The following MCUB variants were observed in gnomAD, a reference collection of about 807,000 sequenced individuals.
MCUB encodes mitochondrial calcium uniporter dominant negative subunit beta.
A neutral mutation model predicts 41.4 loss-of-function variants in MCUB; 46 were observed. That is an observed-to-expected ratio of 1.11 (90% CI 0.88 to 1.42). MCUB has a LOEUF of 1.42. Ranked by LOEUF, MCUB falls within the 40% of genes most tolerant of loss-of-function variation. MCUB has a pLI of 0.00. For missense variants in MCUB, 403 were observed against 404.9 expected (o/e 1.00, Z 0.04); for synonymous variants, 148 against 148.2 (o/e 1.00, Z 0.01).
chr4:109,637,823 A>G (rs961128408), intron 1 of MCUB, among the ~76,000 whole-genome samples: 1 of 152,218 alleles, frequency 6.6e-6, no homozygotes, highest in African/African-American at 2.4e-5. Flanking sequence ...ATGCACCAAA[A>G]TTTCAGAAAT....
chr4:109,684,211 T>C (rs199901198), intron 5 of MCUB, among the ~76,000 whole-genome samples: 2 of 151,932 alleles, frequency 1.3e-5, no homozygotes, highest in South Asian at 2.1e-4. Flanking sequence ...TACAGGCGCC[T>C]GCCACCATGC....
chr4:109,655,141 T>C (rs1027827343), intron 1 of MCUB, among the ~76,000 whole-genome samples: 4 of 152,216 alleles, frequency 2.6e-5, no homozygotes, highest in Admixed American at 6.5e-5. Context: ...TGGTTTATTA[T>C]AAGGATATTC....
intron 1 of MCUB, among the ~76,000 whole-genome samples, chr4:109,595,790 CAT>C: frequency 6.6e-6 from 1 of 152,270 alleles, no homozygotes; most frequent in African/African-American, 2.4e-5. Flanking sequence ...ATTGTAGGGT[CAT>C]CTTGACCAAT....
rs898466112 is a variant in MCUB, at chr4:109,687,864, A to G, written c.*272A>G. On this transcript the variant is annotated 3_prime_UTR_variant, in exon 8 of 8. Transcript: ENST00000394650. ...TCAGCTTGTCCCACGTTTATTCTCTATGTGGAGGTGAAAGGGTCTGTGCTT... is the reference window on the plus strand; with the variant it reads ...TCAGCTTGTCCCACGTTTATTCTCTGTGTGGAGGTGAAAGGGTCTGTGCTT... The G allele has an allele frequency of 5.1e-6, 2 of 390,264 alleles. No individual in the cohort carries two copies. The highest frequency in any genetic ancestry group is 6.5e-5 in the South Asian group (2 of 30,624). 24.2% of individuals were successfully genotyped at this position (390,264 alleles called of 1,614,324 possible). A position where few individuals can be genotyped will look rare whatever the true frequency, so the allele number is the denominator to read the frequency against.
intron 1 of MCUB, among the ~76,000 whole-genome samples, chr4:109,656,841 C>T (rs955731051): frequency 2.0e-4 from 31 of 152,090 alleles, no homozygotes; most frequent in African/African-American, 7.2e-4. Context: ...GAACTTCTAC[C>T]TATATTTATT....
Position 109,618,996 on chromosome 4 carries a change from C to CT in MCUB, c.100-40015_100-40014insT, listed in dbSNP as rs1728189795. 3.5e-5 allele frequency among the ~76,000 whole-genome samples: 5 copies of CT among 143,912 alleles called. No homozygotes were observed. The East Asian group carries it at 6.3e-4, about 18-fold the overall frequency. The allele number at this position is 143,912 out of a possible 152,430, so 94.4% of individuals were successfully genotyped here. ...TCTCTCTCTCTCTCTCTCTACCTACCAACCTACCTACCTACCTACCTATCT... is the reference window on the plus strand; with the variant it reads ...TCTCTCTCTCTCTCTCTCTACCTACCTAACCTACCTACCTACCTACCTATCT... On this transcript the variant is annotated intron_variant, in intron 1 of 7. Transcript: ENST00000394650.
intron 1 of MCUB, among the ~76,000 whole-genome samples, chr4:109,597,737 C>A (rs1284262137): frequency 2.2e-5 from 3 of 134,156 alleles, no homozygotes; most frequent in African/African-American, 1.0e-4. Context: ...GGGGGGCTGA[C>A]CCCCCCACCT....
At chr4:109,623,599 T>C (rs1186505581) in intron 1 of MCUB, among the ~76,000 whole-genome samples, 1 of 152,204 alleles carries the variant, frequency 6.6e-6, no homozygotes, top group East Asian at 1.9e-4. Flanking sequence ...TGTCAAGAAC[T>C]TAAGGCATTC....
intron 1 of MCUB, among the ~76,000 whole-genome samples, chr4:109,564,269 T>C (rs1417833756): frequency 6.6e-6 from 1 of 152,114 alleles, no homozygotes; most frequent in Non-Finnish European, 1.5e-5. Flanking sequence ...GTAGCTGGGA[T>C]TACAGGCATG....
At chr4:109,665,879 AT>A (rs1247268138) in intron 4 of MCUB, among the ~76,000 whole-genome samples, 1 of 151,924 alleles carries the variant, frequency 6.6e-6, no homozygotes, top group African/African-American at 2.4e-5. Context: ...AAAATAGGAT[AT>A]TTAAGAAAGG....
intron 1 of MCUB, among the ~76,000 whole-genome samples, chr4:109,622,402 A>G (rs571926396): frequency 2.0e-5 from 3 of 152,352 alleles, no homozygotes; most frequent in Non-Finnish European, 4.4e-5. Context: ...TGTTTCTGAA[A>G]TGTGGGATAA....
chr4:109,607,142 A>T (rs200869528), intron 1 of MCUB, among the ~76,000 whole-genome samples: 2,811 of 152,214 alleles, frequency 0.018, 68 homozygotes, highest in South Asian at 0.074. Flanking sequence ...ATATTCTTTG[A>T]TTTTTGTGTA....
At chr4:109,653,567 T>A (rs1047063134) in intron 1 of MCUB, among the ~76,000 whole-genome samples, 16 of 152,130 alleles carry the variant, frequency 1.1e-4, no homozygotes, top group African/African-American at 3.9e-4. Context: ...CAGACTAGAA[T>A]TTAGGCTATT....
intron 1 of MCUB, among the ~76,000 whole-genome samples, chr4:109,651,411 C>T (rs904484429): frequency 6.6e-6 from 1 of 152,136 alleles, no homozygotes; most frequent in Non-Finnish European, 1.5e-5. Context: ...TCCAAGGAGG[C>T]TTGCTTCCTC....
chr4:109,597,454 G>T (rs1579057056), intron 1 of MCUB, among the ~76,000 whole-genome samples: 1 of 107,852 alleles, frequency 9.3e-6, no homozygotes, highest in Admixed American at 8.6e-5. Flanking sequence ...CTGGCCGGGC[G>T]GGGGGCTGAC....
chr4:109,672,863 T>C (rs542089051), intron 4 of MCUB, among the ~76,000 whole-genome samples: 10 of 152,248 alleles, frequency 6.6e-5, no homozygotes, highest in Admixed American at 1.3e-4. Context: ...CTTTTACTTT[T>C]TGATATAGAA....
At position 109,560,491 on chromosome 4, in the gene MCUB, G is replaced by C. The variant is rs544350926; in HGVS notation, c.99+55G>C. ...CGGGGTAGGCTGGTGCAAAGTTTGCGTTGGACAACTTTGGCGGGAGCAAAA... is the reference window on the plus strand; with the variant it reads ...CGGGGTAGGCTGGTGCAAAGTTTGCCTTGGACAACTTTGGCGGGAGCAAAA... On this transcript the variant is annotated intron_variant, in intron 1 of 7. Coordinates refer to ENST00000394650, the MANE Select transcript of MCUB (RefSeq NM_017918.5). 11 of 854,614 alleles carry C rather than the reference G, an allele frequency of 1.3e-5. No individual in the cohort carries two copies. The East Asian group carries it at 3.4e-4, about 26-fold the overall frequency. The allele number at this position is 854,614 out of a possible 1,614,324, so 52.9% of individuals were successfully genotyped here.
In MCUB at chr4:109,654,856, C is replaced by T. The variant is rs955320972; in HGVS notation, c.100-4155C>T. ...CACATGTGTGGATATTTTCCTCATA[C>T]CAACAACCAATTCTCCAACTTTCCA... On this transcript the variant is annotated intron_variant, in intron 1 of 7. Transcript: ENST00000394650. 2.0e-5 allele frequency among the ~76,000 whole-genome samples: 3 copies of T among 152,194 alleles called. No homozygotes were observed. In the South Asian group the frequency reaches 6.2e-4, roughly 32 times the overall value.
chr4:109,667,414 G>A (rs774304735), intron 4 of MCUB, among the ~76,000 whole-genome samples: 51 of 151,932 alleles, frequency 3.4e-4, no homozygotes, highest in Admixed American at 1.4e-3. Flanking sequence ...TAATGTCCAT[G>A]GGATCTGTAG....
Sources: allele counts gnomAD v4.1 joint callset (sites outside exome capture counted in the v4.1 genomes callset), GRCh38; gene constraint gnomAD v4.1.1; transcripts MANE v1.5; gene names NCBI Gene and HGNC (gene_info 2026-07-23, HGNC 2026-07-21).